VAT1L: variants seen among roughly 807,000 people sequenced by gnomAD.
The protein encoded by VAT1L is putative NADPH-dependent quinone oxidoreductase VAT1L.
In VAT1L, 34 loss-of-function variants were observed where a neutral mutation model predicts 44.1. The ratio of observed to expected loss-of-function variants is 0.77; its 90% confidence interval spans 0.59 to 1.03. The LOEUF is 1.03. Among genes scored for constraint, VAT1L ranks in the 50% least tolerant of loss-of-function variants. The pLI, the probability that VAT1L is intolerant of heterozygous loss-of-function variation, is 0.00. For missense variants in VAT1L, 615 were observed against 538.8 expected, an observed-to-expected ratio of 1.14 and a Z score of -1.40; for synonymous variants, 253 against 202.2, an observed-to-expected ratio of 1.25 and a Z score of -2.13.
chr16:77,972,970 G>T (rs1020794624), intron 8 of VAT1L, among the ~76,000 whole-genome samples: 1 of 151,886 alleles, frequency 6.6e-6, no homozygotes, highest in African/African-American at 2.4e-5. Flanking sequence ...ATAGGCGTGA[G>T]CTACCACACC....
intron 7 of VAT1L, among the ~76,000 whole-genome samples, chr16:77,909,503 G>C (rs564239491): frequency 6.6e-6 from 1 of 152,130 alleles, no homozygotes; most frequent in South Asian, 2.1e-4. Context: ...CAGGCGTGGT[G>C]GTGTGTGCCT....
intron 7 of VAT1L, among the ~76,000 whole-genome samples, chr16:77,886,790 C>G (rs2017213840): frequency 1.3e-5 from 2 of 152,102 alleles, no homozygotes; most frequent in South Asian, 4.1e-4. Flanking sequence ...AGGGGGGAGA[C>G]TTAGTTTCCA....
rs752983220 is a variant in VAT1L at position 77,880,321 on chromosome 16, G to T, written c.882+1097G>T. Among the ~76,000 whole-genome samples the T allele has an allele frequency of 4.6e-5, 7 of 151,884 alleles. No homozygotes were observed. The South Asian group carries it at 6.3e-4, about 14-fold the overall frequency. The stretch of plus-strand genomic sequence containing the variant: ...ACAGGTGTGTGCCACTATACCCAGC[G>T]AATTTATGTATTTATTTTGGTAGAG... On this transcript the variant is annotated intron_variant, in intron 6 of 8. Coordinates refer to ENST00000302536, the MANE Select transcript of VAT1L (RefSeq NM_020927.3).
rs576358968 is a variant in VAT1L, at chr16:77,923,470, T to A, written c.1077+38668T>A. Among the ~76,000 whole-genome samples, 156 of 152,190 alleles carry A rather than the reference T, an allele frequency of 1.0e-3. 1 individual carries two copies. In the Middle Eastern group the frequency reaches 0.02, roughly 20 times the overall value. ...GTCATGGATGAATGAATGAATGGAATAAACTCAGGGGCCCAGAATCAGGTC... is the reference window on the plus strand; with the variant it reads ...GTCATGGATGAATGAATGAATGGAAAAAACTCAGGGGCCCAGAATCAGGTC... On this transcript the variant is annotated intron_variant, in intron 7 of 8. Transcript: ENST00000302536.
At chr16:77,931,723 A>C (rs2017733210) in intron 7 of VAT1L, among the ~76,000 whole-genome samples, 1 of 152,288 alleles carries the variant, frequency 6.6e-6, no homozygotes, top group South Asian at 2.1e-4. Context: ...ATAAGCCCCT[A>C]GGCAGGGGGC....
chr16:77,927,841 T>C (rs1329630876), intron 7 of VAT1L, among the ~76,000 whole-genome samples: 1 of 152,022 alleles, frequency 6.6e-6, no homozygotes, highest in Non-Finnish European at 1.5e-5. Context: ...TGTACTCCAG[T>C]CTGGGTGACA....
At chr16:77,948,459 C>A (rs138650788) in intron 7 of VAT1L, among the ~76,000 whole-genome samples, 3 of 152,130 alleles carry the variant, frequency 2.0e-5, no homozygotes, top group Non-Finnish European at 4.4e-5. Flanking sequence ...CACAGTTGAG[C>A]ATTTGAGTGC....
chr16:77,976,598 G>A (rs2018342591), intron 8 of VAT1L, among the ~76,000 whole-genome samples: 2 of 152,168 alleles, frequency 1.3e-5, no homozygotes, highest in African/African-American at 4.8e-5. Flanking sequence ...CAGGGGATAA[G>A]AACAGAAAAG....
chr16:77,840,526 G>A (rs1390970460), intron 3 of VAT1L, among the ~76,000 whole-genome samples: 1 of 152,058 alleles, frequency 6.6e-6, no homozygotes, highest in Non-Finnish European at 1.5e-5. Context: ...ATCTTCTTCA[G>A]TTTCTTTTTT....
chr16:77,911,343 T>A (rs567636299), intron 7 of VAT1L, among the ~76,000 whole-genome samples: 2 of 152,144 alleles, frequency 1.3e-5, no homozygotes, highest in Admixed American at 1.3e-4. Context: ...TCCCCTACTA[T>A]CAGCCCTGGG....
chr16:77,802,622 ACACACACACACACACACACACAC>A (rs2016082215), intron 1 of VAT1L, among the ~76,000 whole-genome samples: 2 of 83,478 alleles, frequency 2.4e-5, no homozygotes, highest in African/African-American at 3.7e-5. Context: ...TCAAACACAC[ACACACACACACACACACACACAC>A]ACACACACAC....
rs200754303 is a variant in VAT1L at position 77,962,739 on chromosome 16, A to AGAAGGAAGGAAGGAAGGAAGGAAGGAAG, written c.1078-9099_1078-9072dup. Reference sequence around the variant, plus strand: ...CTCTACAAAAGAAGGAAAGAAGGAAAGAAGGAAGGAAGGAAGGAAGGAAGG... The same window carrying AGAAGGAAGGAAGGAAGGAAGGAAGGAAG: ...CTCTACAAAAGAAGGAAAGAAGGAAAGAAGGAAGGAAGGAAGGAAGGAAGGAAGGAAGGAAGGAAGGAAGGAAGGAAGG... On this transcript the variant is annotated intron_variant, in intron 7 of 8. Transcript: ENST00000302536. Among the ~76,000 whole-genome samples the AGAAGGAAGGAAGGAAGGAAGGAAGGAAG allele has an allele frequency of 5.8e-3, 750 of 129,388 alleles. 10 individuals are homozygous for AGAAGGAAGGAAGGAAGGAAGGAAGGAAG. Among genetic ancestry groups the AGAAGGAAGGAAGGAAGGAAGGAAGGAAG allele is most frequent in the East Asian group, 0.021 (92 of 4,388 alleles). 84.9% of individuals were successfully genotyped at this position (129,388 alleles called of 152,430 possible).
intron 4 of VAT1L, among the ~76,000 whole-genome samples, chr16:77,864,582 G>C (rs1359150209): frequency 6.6e-6 from 1 of 152,136 alleles, no homozygotes; most frequent in Middle Eastern, 3.2e-3. Flanking sequence ...CTCCAGCATG[G>C]GTGACAGACA....
rs1019052508 is a variant in VAT1L, at chr16:77,973,971, C to T, written c.1161+2038C>T. 3.3e-5 allele frequency among the ~76,000 whole-genome samples: 5 copies of T among 152,298 alleles called. No individual in the cohort carries two copies. In the East Asian group the frequency reaches 9.7e-4, roughly 29 times the overall value. On this transcript the variant is annotated intron_variant, in intron 8 of 8. Coordinates refer to ENST00000302536, the MANE Select transcript of VAT1L (RefSeq NM_020927.3). Reference sequence around the variant, plus strand: ...TGACCTTGTGATCCGCCCACCTCGGCCTCCCAAAATGCTGGGATTACAGGC... The same window carrying T: ...TGACCTTGTGATCCGCCCACCTCGGTCTCCCAAAATGCTGGGATTACAGGC...
At chr16:77,912,631 T>C (rs1302690394) in intron 7 of VAT1L, among the ~76,000 whole-genome samples, 2 of 152,216 alleles carry the variant, frequency 1.3e-5, no homozygotes, top group Non-Finnish European at 2.9e-5. Context: ...AACTGGCTTA[T>C]TCTCACTGGC....
intron 2 of VAT1L, among the ~76,000 whole-genome samples, chr16:77,820,275 C>T (rs1015771107): frequency 1.3e-5 from 2 of 152,110 alleles, no homozygotes; most frequent in East Asian, 1.9e-4. Context: ...CCAGGGTTTC[C>T]GTGATTCTCC....
At chr16:77,873,566 A>G (rs1209376536) in intron 4 of VAT1L, among the ~76,000 whole-genome samples, 2 of 152,232 alleles carry the variant, frequency 1.3e-5, no homozygotes, top group African/African-American at 4.8e-5. Flanking sequence ...AGGGCCATAG[A>G]TATTATCATA....
intron 1 of VAT1L, among the ~76,000 whole-genome samples, chr16:77,806,831 G>T (rs2016169250): frequency 6.6e-6 from 1 of 152,180 alleles, no homozygotes; most frequent in Admixed American, 6.5e-5. Context: ...CCATGGGAAT[G>T]CTGGTCCTTG....
chr16:77,973,935 C>T (rs1050543147), intron 8 of VAT1L, among the ~76,000 whole-genome samples: 2 of 151,462 alleles, frequency 1.3e-5, no homozygotes, highest in African/African-American at 4.9e-5. Context: ...ACCATGTTAG[C>T]CAGGATCTCC....
Sources: allele counts gnomAD v4.1 joint callset (sites outside exome capture counted in the v4.1 genomes callset), GRCh38; gene constraint gnomAD v4.1.1; transcripts MANE v1.5; gene names NCBI Gene and HGNC (gene_info 2026-07-23, HGNC 2026-07-21).